SPCS3: variants seen among roughly 807,000 people sequenced by gnomAD.
SPCS3 encodes the protein SPase 22 kDa subunit.
Under a neutral mutation model 17.2 loss-of-function variants are expected in SPCS3, and 9 were observed. The ratio of observed to expected loss-of-function variants is 0.52; its 90% CI spans 0.31 to 0.91. The LOEUF is 0.91. Ranked by LOEUF, SPCS3 falls within the 40% of genes least tolerant of loss-of-function variation. The pLI is 0.04. For synonymous variants in SPCS3, 87 were observed against 89.6 expected (o/e 0.97, Z 0.16); for missense variants, 139 against 217.5 (o/e 0.64, Z 2.27).
rs1461393864 is a variant in SPCS3, at chr4:176,330,004, C to T, written c.*1674C>T. The T allele has an allele frequency of 2.0e-5, 3 of 152,216 alleles. No individual in the cohort carries two copies. Among genetic ancestry groups the T allele is most frequent in the East Asian group, 1.9e-4 (1 of 5,182 alleles). The allele number at this position is 152,216 out of a possible 1,614,324, so 9.4% of individuals were successfully genotyped here. ...TACCTGAATGCTAAACTGCCTGGCT[C>T]CCAGCTTTTTCATTAAACTTTTCAG... On this transcript the variant is annotated 3_prime_UTR_variant, in exon 5 of 5. Transcript: ENST00000503362.
rs1448317491 is a variant in SPCS3 at position 176,331,099 on chromosome 4, A to C, written c.*2769A>C. On this transcript the variant is annotated 3_prime_UTR_variant, in exon 5 of 5. Transcript: ENST00000503362. ...TCAGCCAATTCATAGCTGGGCTTTA[A>C]GATTATCATCTTAGAGATGATAGAT... 6.6e-6 allele frequency: 1 copy of C among 152,150 alleles called. No homozygotes were observed. The highest frequency in any genetic ancestry group is 1.5e-5 in the Non-Finnish European group (1 of 68,038). The allele number at this position is 152,150 out of a possible 1,614,324, so 9.4% of individuals were successfully genotyped here.
chr4:176,328,373 T>C lies in SPCS3; in HGVS notation c.*43T>C. The C allele has an allele frequency of 6.8e-7, 1 of 1,462,014 alleles. No homozygotes were observed. The highest frequency in any genetic ancestry group is 1.3e-5 in the South Asian group (1 of 75,394). The allele number at this position is 1,462,014 out of a possible 1,614,324, so 90.6% of individuals were successfully genotyped here. A position where few individuals can be genotyped will look rare whatever the true frequency, so the allele number is the denominator to read the frequency against. ...ACAACATATTTTTATACTTAATGAA[T>C]TGTATCTCATTAATCTCTTCCCTTA... On this transcript the variant is annotated 3_prime_UTR_variant, in exon 5 of 5. Transcript: ENST00000503362.
At position 176,327,014 on chromosome 4, in the gene SPCS3, G is replaced by T. The variant is rs894277498; in HGVS notation, c.295-148G>T. ...GCCCCTTTTTTGTATCTCTCTCTTT[G>T]CTATCATTTGTATGCATTAAGATTT... On this transcript the variant is annotated intron_variant, in intron 3 of 4. Coordinates refer to ENST00000503362, the MANE Select transcript of SPCS3 (RefSeq NM_021928.4). 2.4e-5 allele frequency: 12 copies of T among 495,030 alleles called. No homozygotes were observed. The Admixed American group carries it at 3.8e-4, about 16-fold the overall frequency. The allele number at this position is 495,030 out of a possible 1,614,324, so 30.7% of individuals were successfully genotyped here. A position where few individuals can be genotyped will look rare whatever the true frequency, so the allele number is the denominator to read the frequency against.
rs1401107541 is a variant in SPCS3, at chr4:176,329,085, G to A, written c.*755G>A. The A allele has an allele frequency of 6.6e-6, 1 of 151,748 alleles. No homozygotes were observed. The highest frequency in any genetic ancestry group is 1.5e-5 in the Non-Finnish European group (1 of 67,884). 9.4% of individuals were successfully genotyped at this position (151,748 alleles called of 1,614,324 possible). On this transcript the variant is annotated 3_prime_UTR_variant, in exon 5 of 5. Transcript: ENST00000503362. Reference sequence around the variant, plus strand: ...TAGCGTTGCCATTGAAAGTTAAAATGTTTGCATGGTTTACCCTCTGAGTTA... The same window carrying A: ...TAGCGTTGCCATTGAAAGTTAAAATATTTGCATGGTTTACCCTCTGAGTTA...
intron 3 of SPCS3, among the ~76,000 whole-genome samples, chr4:176,326,633 T>G (rs1254930598): frequency 1.3e-5 from 2 of 152,320 alleles, no homozygotes. Context: ...TCTTAAAGCT[T>G]TTGTAAAGAA....
chr4:176,322,326 T>G, intron 2 of SPCS3, 83 bp downstream of exon 2: 1 of 945,848 alleles, frequency 1.1e-6, no homozygotes, highest in Non-Finnish European at 1.6e-6. Context: ...GGATACAGTG[T>G]GACTATCTCA....
In SPCS3 at chr4:176,330,149, G is replaced by T. The variant is rs1192750432; in HGVS notation, c.*1819G>T. The T allele has an allele frequency of 6.6e-6, 1 of 152,150 alleles. No homozygotes were observed. Among genetic ancestry groups the T allele is most frequent in the African/African-American group, 2.4e-5 (1 of 41,432 alleles). The allele number at this position is 152,150 out of a possible 1,614,324, so 9.4% of individuals were successfully genotyped here. On this transcript the variant is annotated 3_prime_UTR_variant, in exon 5 of 5. Transcript: ENST00000503362. The stretch of plus-strand genomic sequence containing the variant: ...TTCAGCAAAGAGATTGAACAAAAAA[G>T]CACGTTAGTAATATGAAGACAGGAA...
chr4:176,328,433 TG>T lies in SPCS3; in HGVS notation c.*106del. On this transcript the variant is annotated 3_prime_UTR_variant, in exon 5 of 5. Transcript: ENST00000503362. ...GTATTGTTGGTTTGTTTTTTGGTTT[TG>T]GGTTTTTTTTTTTTTTTTTTTGGTA... The T allele has an allele frequency of 1.6e-5, 15 of 926,006 alleles. No individual in the cohort carries two copies. The highest frequency in any genetic ancestry group is 4.3e-5 in the Admixed American group (1 of 23,134). The allele number at this position is 926,006 out of a possible 1,614,324, so 57.4% of individuals were successfully genotyped here.
At chr4:176,327,398 T>C in intron 4 of SPCS3, 121 bp downstream of exon 4, 2 of 567,890 alleles carry the variant, frequency 3.5e-6, no homozygotes, top group South Asian at 4.7e-5. Context: ...AAGAAGTATT[T>C]ATGCATATCT....
intron 2 of SPCS3, 31 bp from the exon 3 acceptor site, chr4:176,324,150 C>T (rs370677864): frequency 4.0e-5 from 41 of 1,021,580 alleles, no homozygotes; most frequent in Non-Finnish European, 5.3e-5. Context: ...ATATACTGCT[C>T]ATAAATTTAT....
intron 2 of SPCS3, among the ~76,000 whole-genome samples, chr4:176,323,397 T>C (rs1464381777): frequency 1.3e-5 from 2 of 152,156 alleles, no homozygotes; most frequent in East Asian, 1.9e-4. Flanking sequence ...CTTGAAATTG[T>C]TGCTGTTCTT....
chr4:176,324,642 G>GTATT (rs771436277), intron 3 of SPCS3, among the ~76,000 whole-genome samples: 1 of 152,194 alleles, frequency 6.6e-6, no homozygotes, highest in Admixed American at 6.5e-5. Flanking sequence ...ATGCTACCTA[G>GTATT]TATTTATTCA....
chr4:176,320,179 A>C lies in SPCS3; in HGVS notation c.103A>C (p.Arg35=), dbSNP rs1333519612. 1.9e-6 allele frequency: 3 copies of C among 1,580,314 alleles called. No individual in the cohort carries two copies. Among genetic ancestry groups the C allele is most frequent in the Non-Finnish European group, 2.6e-6 (3 of 1,164,372 alleles). Residue 35 remains arginine, a synonymous_variant, in exon 1 of 5, where the codon AGG becomes CGG. Coordinates refer to ENST00000503362, the MANE Select transcript of SPCS3 (RefSeq NM_021928.4). Reference sequence around the variant, plus strand: ...CTTCATCACCACCGCCTTCAAAGACAGGAGCGTCCCGGTGCGGCTGCACGT... The same window carrying C: ...CTTCATCACCACCGCCTTCAAAGACCGGAGCGTCCCGGTGCGGCTGCACGT... ...GCFITTAFKD[R]SVPVRLHVSR...
chr4:176,324,395 G>GTT (rs1437756607), intron 3 of SPCS3, 138 bp downstream of exon 3: 4 of 413,814 alleles, frequency 9.7e-6, no homozygotes, highest in African/African-American at 2.1e-5. Context: ...AGGTAGCTGT[G>GTT]TTATGAAAAC....
intron 1 of SPCS3, 46 bp downstream of exon 1, chr4:176,320,265 G>C (rs1264302052): frequency 7.3e-7 from 1 of 1,374,104 alleles, no homozygotes. Flanking sequence ...GACCGGGCTG[G>C]GGCGGAAGCC....
intron 3 of SPCS3, among the ~76,000 whole-genome samples, chr4:176,325,011 G>A (rs574854685): frequency 1.3e-5 from 2 of 151,432 alleles, no homozygotes; most frequent in Middle Eastern, 3.5e-3. Flanking sequence ...GTGGGTAGCC[G>A]GTAGTATTGC....
At chr4:176,320,424 T>C (rs1731519939) in intron 1 of SPCS3, 1 of 324,918 alleles carries the variant, frequency 3.1e-6, no homozygotes, top group Non-Finnish European at 5.4e-6. Context: ...CTTGCACCCC[T>C]CCACCGTAAA....
At chr4:176,323,803 T>A (rs1409295813) in intron 2 of SPCS3, among the ~76,000 whole-genome samples, 1 of 152,156 alleles carries the variant, frequency 6.6e-6, no homozygotes, top group Non-Finnish European at 1.5e-5. Flanking sequence ...GTTTATACTT[T>A]AGAGCTCCAG....
intron 4 of SPCS3, 125 bp from the exon 5 acceptor site, chr4:176,328,071 CAT>C: frequency 1.2e-6 from 1 of 842,992 alleles, no homozygotes; most frequent in Non-Finnish European, 1.8e-6. Flanking sequence ...TGCAGATTAA[CAT>C]ATTAGGATTT....
Sources: gnomAD v4.1 joint callset for allele counts (sites outside exome capture counted in the v4.1 genomes callset) on GRCh38, gnomAD v4.1.1 for gene constraint, MANE v1.5 for transcripts, NCBI Gene and HGNC (gene_info 2026-07-23, HGNC 2026-07-21) for gene names.